Variants in CALCOCO1 observed in about 807,000 individuals in gnomAD.
CALCOCO1 encodes the protein calcium binding and coiled-coil domain 1, also known as calcium-binding and coiled-coil domain-containing protein 1.
A neutral mutation model predicts 86.3 loss-of-function variants in CALCOCO1; 44 were observed. The observed-to-expected ratio is 0.51, with a 90% CI of 0.40 to 0.66. The LOEUF (loss-of-function observed/expected upper bound fraction) is 0.66, where lower values mean the gene tolerates loss of function less well. Ranked by LOEUF, CALCOCO1 falls within the 30% of genes least tolerant of loss-of-function variation. The pLI is 0.00. For synonymous variants in CALCOCO1, 297 were observed against 327.6 expected (o/e 0.91, Z 1.01); for missense variants, 708 against 851.1 (o/e 0.83, Z 2.09).
chr12:53,719,323 C>T (rs1303804488), intron 7 of CALCOCO1, among the ~76,000 whole-genome samples: 2 of 151,702 alleles, frequency 1.3e-5, no homozygotes, highest in Non-Finnish European at 2.9e-5. Context: ...GTCAAGAGTT[C>T]GAGACCAGCC....
At chr12:53,721,989 A>G (rs1329429369) in intron 5 of CALCOCO1, 36 bp downstream of exon 5, 1 of 1,609,668 alleles carries the variant, frequency 6.2e-7, no homozygotes, top group East Asian at 2.2e-5. Context: ...CTGGGTGAGC[A>G]GCCAGGCCCT....
rs746790452 is a variant in CALCOCO1 at position 53,724,636 on chromosome 12, C to T, written c.259+9G>A. The T allele has an allele frequency of 1.2e-6, 2 of 1,610,002 alleles. No individual in the cohort carries two copies. Among genetic ancestry groups the T allele is most frequent in the African/African-American group, 2.7e-5 (2 of 74,852 alleles). On this transcript the variant is annotated intron_variant, in intron 3 of 14. Transcript: ENST00000550804. ...CTCCTCTCTCCCAATTTTCCATCTT[C>T]CCTTGTACCTTGGAACTGGACACTG...
At chr12:53,719,861 C>T in intron 6 of CALCOCO1, 32 bp from the exon 7 acceptor site, 1 of 1,459,288 alleles carries the variant, frequency 6.9e-7, no homozygotes, top group Non-Finnish European at 9.6e-7. Context: ...GTCAGACAAT[C>T]TGCTCCACCC....
chr12:53,714,149 C>T lies in CALCOCO1; in HGVS notation c.1575G>A (p.Glu525=). 1.2e-6 allele frequency: 2 copies of T among 1,612,134 alleles called. No homozygotes were observed. Among genetic ancestry groups the T allele is most frequent in the Non-Finnish European group, 1.7e-6 (2 of 1,179,230 alleles). The part of the protein sequence containing the change: ...WNEDATTEDE[E]AAVGLSCPAA... ...TACACGGACTCAGCCCCACAGCGGC[C>T]TCCTCATCCTCTGTGGTGGCATCCT... is the stretch of plus-strand genomic sequence containing the variant. The change falls in exon 12 of 15, where the codon GAG becomes GAA. Residue 525 remains glutamate (E), a synonymous_variant. Transcript: ENST00000550804.
chr12:53,723,863 T>C, intron 3 of CALCOCO1, 80 bp from the exon 4 acceptor site: 3 of 1,242,392 alleles, frequency 2.4e-6, no homozygotes, highest in South Asian at 1.5e-5. Flanking sequence ...TTCCATATAC[T>C]GTTTCTTCTC....
intron 14 of CALCOCO1, chr12:53,712,826 TG>T: frequency 7.0e-7 from 1 of 1,422,588 alleles, no homozygotes; most frequent in Non-Finnish European, 9.3e-7. Flanking sequence ...CAGGGCAATT[TG>T]GGCTCTGCAG....
rs773843766 is a variant in CALCOCO1, at chr12:53,715,862, G to A, written c.1191C>T (p.Leu397=). 9.9e-6 allele frequency: 16 copies of A among 1,613,962 alleles called. No individual in the cohort carries two copies. The highest frequency in any genetic ancestry group is 6.7e-5 in the East Asian group (3 of 44,888). The change falls in exon 9 of 15, where the codon CTC becomes CTT. Residue 397 remains leucine, a synonymous_variant. Transcript: ENST00000550804. ...VAEVNGRLAE[L]GLHLKEEKCQ... ...ATTTTTCTTCCTTCAAGTGCAAACC[G>A]AGCTCAGCCAGCCTGCCGTTAACTT...
chr12:53,723,468 G>A, intron 4 of CALCOCO1, 125 bp downstream of exon 4: 1 of 958,360 alleles, frequency 1.0e-6, no homozygotes, highest in East Asian at 2.5e-5. Context: ...GCAGGACTTT[G>A]TCTAACTTTC....
chr12:53,716,035 G>A lies in CALCOCO1; in HGVS notation c.1018C>T (p.Pro340Ser). 1.2e-6 allele frequency: 2 copies of A among 1,612,440 alleles called. No homozygotes were observed. Among genetic ancestry groups the A allele is most frequent in the Non-Finnish European group, 8.5e-7 (1 of 1,180,006 alleles). ...QAQQRVAELE[P>S]LKEQLRGAQE... ...GCCCCTCGAAGCTGCTCCTTCAAGG[G>A]CTCCAGCTCGGCCTCAGGAGAAAGG... Residue 340 changes from proline to serine, a missense_variant, in exon 9 of 15, where the codon CCC becomes TCC. Physicochemically the swap from Pro to Ser is moderately conservative, Grantham distance 74 (BLOSUM62 -1). Transcript: ENST00000550804.
At chr12:53,723,339 T>C (rs957265098) in intron 4 of CALCOCO1, among the ~76,000 whole-genome samples, 5 of 152,184 alleles carry the variant, frequency 3.3e-5, no homozygotes, top group Admixed American at 2.0e-4. Flanking sequence ...ATGCAGTGCA[T>C]GGAGAAGGAA....
chr12:53,711,434 A>T lies in CALCOCO1; in HGVS notation c.*510T>A. The T allele has an allele frequency of 2.6e-6, 1 of 379,442 alleles. No homozygotes were observed. Among genetic ancestry groups the T allele is most frequent in the Non-Finnish European group, 4.7e-6 (1 of 214,748 alleles). The allele number at this position is 379,442 out of a possible 1,614,324, so 23.5% of individuals were successfully genotyped here. On this transcript the variant is annotated 3_prime_UTR_variant, in exon 15 of 15. Coordinates refer to ENST00000550804, the MANE Select transcript of CALCOCO1 (RefSeq NM_020898.3). ...GGGAACAGAAAGAGGAACCAATGAA[A>T]CTGAGAACCAAAAGGGACCTGAGAG... is the stretch of plus-strand genomic sequence containing the variant.
chr12:53,717,641 C>T (rs1156326543), intron 7 of CALCOCO1, among the ~76,000 whole-genome samples: 1 of 152,134 alleles, frequency 6.6e-6, no homozygotes, highest in Non-Finnish European at 1.5e-5. Flanking sequence ...CCACATAAAC[C>T]CAGGGTACTG....
At chr12:53,712,781 GT>G (rs765372443) in intron 14 of CALCOCO1, 2 of 1,349,896 alleles carry the variant, frequency 1.5e-6, no homozygotes, top group Non-Finnish European at 1.9e-6. Context: ...CTACCTGGTG[GT>G]TGGGGAAGGG....
At chr12:53,718,639 C>T (rs976963210) in intron 7 of CALCOCO1, among the ~76,000 whole-genome samples, 4 of 152,138 alleles carry the variant, frequency 2.6e-5, no homozygotes, top group African/African-American at 9.7e-5. Context: ...AGCAATCCTT[C>T]CACCTCAGCT....
chr12:53,712,587 G>A (rs937087789), intron 14 of CALCOCO1: 9 of 245,350 alleles, frequency 3.7e-5, no homozygotes, highest in African/African-American at 2.0e-4. Flanking sequence ...GGCAGAAGGG[G>A]ACAATCTGAT....
rs1442238333 is a variant in CALCOCO1, at chr12:53,724,662, G to T, written c.242C>A (p.Thr81Asn). 6.2e-7 allele frequency: 1 copy of T among 1,613,644 alleles called. No individual in the cohort carries two copies. Among genetic ancestry groups the T allele is most frequent in the Non-Finnish European group, 8.5e-7 (1 of 1,179,734 alleles). ...CCTTGTACCTTGGAACTGGACACTG[G>T]TGTGAATGGGGGAACCATCAGTTGT... ...ESTTDGSPIH[T>N]SVQFQASYLP... Residue 81 changes from threonine to asparagine, a missense_variant, in exon 3 of 15, where the codon ACC becomes AAC. Thr to Asn is a moderately conservative substitution (Grantham distance 65). Coordinates refer to ENST00000550804, the MANE Select transcript of CALCOCO1 (RefSeq NM_020898.3).
At position 53,719,726 on chromosome 12, in the gene CALCOCO1, C is replaced by T. The variant is rs760934235; in HGVS notation, c.849+13G>A. ...GGACAATGGAGAAAGCAAATCAACT[C>T]TGAGCCCCTTACCTCACTTTGCTCC... On this transcript the variant is annotated intron_variant, in intron 7 of 14. Transcript: ENST00000550804. The T allele has an allele frequency of 6.3e-7, 1 of 1,598,480 alleles. No individual in the cohort carries two copies. The highest frequency in any genetic ancestry group is 1.1e-5 in the South Asian group (1 of 90,464).
At chr12:53,720,730 T>C (rs1166725452) in intron 6 of CALCOCO1, among the ~76,000 whole-genome samples, 1 of 152,266 alleles carries the variant, frequency 6.6e-6, no homozygotes, top group Non-Finnish European at 1.5e-5. Flanking sequence ...TTTTGTCATT[T>C]AATGAAATAA....
intron 11 of CALCOCO1, 36 bp from the exon 12 acceptor site, chr12:53,714,277 A>G: frequency 6.5e-7 from 1 of 1,529,938 alleles, no homozygotes; most frequent in East Asian, 2.3e-5. Context: ...GTGCTAGAGA[A>G]TGGGAAGGTG....
Sources: gnomAD v4.1 joint callset for allele counts (sites outside exome capture counted in the v4.1 genomes callset) on GRCh38, gnomAD v4.1.1 for gene constraint, MANE v1.5 for transcripts, NCBI Gene and HGNC (gene_info 2026-07-23, HGNC 2026-07-21) for gene names.